The following ABR variants were observed in gnomAD, a reference collection of about 807,000 sequenced individuals.
The protein encoded by ABR is ABR activator of RhoGEF and GTPase, also known as active breakpoint cluster region-related protein.
ABR carries 35 observed loss-of-function variants against 107.2 expected under a neutral mutation model. The observed-to-expected ratio is 0.33, with a 90% CI of 0.25 to 0.43. ABR has a LOEUF of 0.43. ABR is among the 20% of genes least tolerant of loss of function. The pLI is 1.00. For synonymous variants in ABR, 498 were observed against 462.0 expected (o/e 1.08, Z -1.00); for missense variants, 815 against 1,115.2 (o/e 0.73, Z 3.83).
rs1333247751 is a variant in ABR, at chr17:1,200,398, T to C, written c.838+28395A>G. Among the ~76,000 whole-genome samples, 1 of 151,944 alleles carries C rather than the reference T, an allele frequency of 6.6e-6. No homozygotes were observed. The highest frequency in any genetic ancestry group is 1.5e-5 in the Non-Finnish European group (1 of 68,018). On this transcript the variant is annotated intron_variant, in intron 1 of 22. Transcript: ENST00000574139. This position sits in a 1 kb window ranked among gnomAD's most constrained non-coding sequence, Gnocchi z 4.1. ...TTAAAAAAAATTTTTTTAAATAAAG[T>C]CTATGGGAGACGTGATTAGGTTACA...
At chr17:1,061,532 G>A (rs1001798063) in intron 10 of ABR, among the ~76,000 whole-genome samples, 1 of 141,154 alleles carries the variant, frequency 7.1e-6, no homozygotes, top group South Asian at 2.3e-4. Context: ...TTCAATAATT[G>A]TTTGTTTACT....
intron 1 of ABR, among the ~76,000 whole-genome samples, chr17:1,167,563 C>T (rs1440352876): frequency 6.6e-6 from 1 of 152,166 alleles, no homozygotes; most frequent in Non-Finnish European, 1.5e-5. Flanking sequence ...AGGTCTCATG[C>T]CCCAGGCCCT....
At chr17:1,226,961 A>T (rs2043233854) in intron 1 of ABR, among the ~76,000 whole-genome samples, 1 of 152,186 alleles carries the variant, frequency 6.6e-6, no homozygotes, top group Non-Finnish European at 1.5e-5. Context: ...CAGAACCCGA[A>T]CATGTAGCTG....
In ABR at chr17:1,037,504, C is replaced by T. The variant is rs1475681370; in HGVS notation, c.1791+12546G>A. On this transcript the variant is annotated intron_variant, in intron 16 of 22. Transcript: ENST00000302538. This position sits in a 1 kb window ranked among gnomAD's most constrained non-coding sequence, Gnocchi z 4.6. The stretch of plus-strand genomic sequence containing the variant: ...TGGCAAACCCTAGCGATTCTCACAG[C>T]ACATTTGGTCATGGAAAAGGGTGAA... 1.3e-5 allele frequency among the ~76,000 whole-genome samples: 2 copies of T among 152,238 alleles called. No individual in the cohort carries two copies. The highest frequency in any genetic ancestry group is 2.9e-5 in the Non-Finnish European group (2 of 68,042).
intron 1 of ABR, among the ~76,000 whole-genome samples, chr17:1,211,556 C>T (rs2042903333): frequency 6.6e-6 from 1 of 152,110 alleles, no homozygotes; most frequent in African/African-American, 2.4e-5. Context: ...CATAGATTTC[C>T]TCATTAATCC....
rs565986609 is a variant in ABR at position 1,070,068 on chromosome 17, C to G, written c.917G>C (p.Gly306Ala). ...KGETRQLVKD[G>A]FLVEVSESSR... ...GCTCTCTGACACTTCCACCAGGAAG[C>G]CGTCCTTCACCAGCTGTCGCGTCTG... Residue 306 changes from glycine (G) to alanine (A), a missense_variant, in exon 9 of 23, where the codon GGC (glycine) becomes GCC (alanine). This residue lies in a region of ABR where 385 missense variants were observed against 596.9 expected (regional missense o/e 0.64). Transcript: ENST00000302538. The surrounding 1 kb of genome is among the most constrained non-coding windows in gnomAD (Gnocchi z 4.2). 1 of 1,613,786 alleles carries G rather than the reference C, an allele frequency of 6.2e-7. No homozygotes were observed. The highest frequency in any genetic ancestry group is 8.5e-7 in the Non-Finnish European group (1 of 1,179,954).
chr17:1,088,083 C>T (rs1054899387), intron 4 of ABR, among the ~76,000 whole-genome samples: 2 of 152,186 alleles, frequency 1.3e-5, no homozygotes, highest in Non-Finnish European at 2.9e-5. Flanking sequence ...AGACCTGACC[C>T]GGCTCCCCCC....
At chr17:1,063,232 A>C (rs55816434) in intron 10 of ABR, among the ~76,000 whole-genome samples, 4 of 98,126 alleles carry the variant, frequency 4.1e-5, no homozygotes, top group African/African-American at 8.6e-5. Context: ...ACGTGAACTG[A>C]GGGCTATACA....
chr17:1,123,176 G>C (rs539575205), intron 2 of ABR, among the ~76,000 whole-genome samples: 2 of 143,832 alleles, frequency 1.4e-5, no homozygotes, highest in African/African-American at 5.0e-5. Flanking sequence ...GGGCAGAAAC[G>C]CTCCCTGAGG....
At chr17:1,031,801 CTGCCAGT>C in intron 16 of ABR, 1 of 1,229,606 alleles carries the variant, frequency 8.1e-7, no homozygotes, top group South Asian at 4.1e-5. Context: ...TCAGTCCCGG[CTGCCAGT>C]CCCGCTAGTT....
intron 1 of ABR, among the ~76,000 whole-genome samples, chr17:1,158,149 C>A (rs1162337743): frequency 6.6e-6 from 1 of 152,112 alleles, no homozygotes; most frequent in Non-Finnish European, 1.5e-5. Flanking sequence ...GAGCTACAGG[C>A]AGGAGCGAAG....
chr17:1,156,394 G>A (rs999616728), intron 1 of ABR, among the ~76,000 whole-genome samples: 4 of 152,060 alleles, frequency 2.6e-5, no homozygotes, highest in Non-Finnish European at 5.9e-5. Context: ...CCGGGTAGAC[G>A]GCAGAGCTAA....
intron 5 of ABR, 146 bp from the exon 6 acceptor site, chr17:1,079,536 C>T (rs2036040336): frequency 1.3e-6 from 1 of 762,592 alleles, no homozygotes. Flanking sequence ...CGCCAGTCAT[C>T]CCAGCACTTT....
intron 1 of ABR, among the ~76,000 whole-genome samples, chr17:1,222,336 A>G (rs551927308): frequency 6.6e-6 from 1 of 152,248 alleles, no homozygotes; most frequent in South Asian, 2.1e-4. Flanking sequence ...AAGTGCTGGG[A>G]TTACAGGCGT....
intron 2 of ABR, among the ~76,000 whole-genome samples, chr17:1,105,974 GC>G (rs1390049552): frequency 3.9e-5 from 6 of 152,120 alleles, no homozygotes; most frequent in Non-Finnish European, 7.4e-5. Context: ...CTTCTACAAC[GC>G]CCCCGTCACA....
intron 2 of ABR, among the ~76,000 whole-genome samples, chr17:1,112,621 A>AAGGAAGGAAGGGAGGAAGGAAGAG (rs1555584866): frequency 2.7e-5 from 4 of 149,104 alleles, no homozygotes; most frequent in Non-Finnish European, 5.9e-5. Flanking sequence ...GGGAGGAAGG[A>AAGGAAGGAAGGGAGGAAGGAAGAG]AGGAAGGAAG....
At chr17:1,013,057 G>T (rs373518659) in intron 17 of ABR, 48 bp downstream of exon 17, 2 of 1,605,550 alleles carry the variant, frequency 1.2e-6, no homozygotes, top group Non-Finnish European at 1.7e-6. Flanking sequence ...CTGCACAGAC[G>T]TTCCACCTCC....
intron 2 of ABR, among the ~76,000 whole-genome samples, chr17:1,122,440 C>T (rs2039395961): frequency 6.6e-6 from 1 of 152,208 alleles, no homozygotes; most frequent in Non-Finnish European, 1.5e-5. Flanking sequence ...CTCATCCAAT[C>T]CACTGAACAC....
chr17:1,110,431 G>A (rs2258277), intron 2 of ABR, among the ~76,000 whole-genome samples: 71,499 of 152,034 alleles, frequency 0.47, 17,071 homozygotes, highest in African/African-American at 0.54. Context: ...CACTCCAGCC[G>A]ATGGCTGCTG....
Sources: gnomAD v4.1 joint callset for allele counts (sites outside exome capture counted in the v4.1 genomes callset) on GRCh38, gnomAD v4.1.1 for gene constraint, gnomAD v4.1.1 regional missense constraint, Gnocchi (gnomAD v3.1) non-coding constraint, MANE v1.5 for transcripts, NCBI Gene and HGNC (gene_info 2026-07-23, HGNC 2026-07-21) for gene names.